IDE: variants seen among roughly 807,000 people sequenced by gnomAD.
IDE encodes the protein insulin-degrading enzyme.
A neutral mutation model predicts 133.2 loss-of-function variants in IDE; 58 were observed. The ratio of observed to expected loss-of-function variants is 0.44; its 90% CI spans 0.35 to 0.54. The LOEUF (loss-of-function observed/expected upper bound fraction) is 0.54, where lower values mean the gene tolerates loss of function less well. Ranked by LOEUF, IDE falls within the 20% of genes least tolerant of loss-of-function variation. IDE has a pLI of 0.00. For missense variants in IDE, 981 were observed against 1,234.0 expected (o/e 0.79, Z 3.07); for synonymous variants, 396 against 421.3 (o/e 0.94, Z 0.73).
At chr10:92,473,963 C>A (rs578205397) in intron 17 of IDE, among the ~76,000 whole-genome samples, 32 of 151,612 alleles carry the variant, frequency 2.1e-4, no homozygotes, top group Non-Finnish European at 3.8e-4. Flanking sequence ...GCCTGGGCAA[C>A]AGAGCAGACT....
rs149470827 is a variant in IDE, at chr10:92,570,269, A to G, written c.98+3653T>C. 1.2e-3 allele frequency among the ~76,000 whole-genome samples: 182 copies of G among 152,340 alleles called. 2 individuals carry two copies. The highest frequency in any genetic ancestry group is 8.7e-3 in the South Asian group (42 of 4,830). ...TTAATTGAAAGAAACAACAAAACATAAAAGTGGAGGTGTCTAGTAAAAGGT... is the reference window on the plus strand; with the variant it reads ...TTAATTGAAAGAAACAACAAAACATGAAAGTGGAGGTGTCTAGTAAAAGGT... On this transcript the variant is annotated intron_variant, in intron 1 of 24. Coordinates refer to ENST00000265986, the MANE Select transcript of IDE (RefSeq NM_004969.4).
chr10:92,571,119 C>A (rs1289889167), intron 1 of IDE, among the ~76,000 whole-genome samples: 2 of 151,788 alleles, frequency 1.3e-5, no homozygotes, highest in African/African-American at 4.8e-5. Context: ...TCAAGCGATT[C>A]TCCTGCCTCA....
chr10:92,486,478 G>C (rs1480341141), intron 13 of IDE, among the ~76,000 whole-genome samples: 1 of 152,054 alleles, frequency 6.6e-6, no homozygotes, highest in Non-Finnish European at 1.5e-5. Flanking sequence ...CCAAATGTTA[G>C]GTCATCTGAA....
At chr10:92,463,006 G>A (rs1471695436) in intron 21 of IDE, among the ~76,000 whole-genome samples, 2 of 152,180 alleles carry the variant, frequency 1.3e-5, no homozygotes, top group Non-Finnish European at 2.9e-5. Flanking sequence ...AGGCTACAGT[G>A]AGCTATGATG....
intron 1 of IDE, among the ~76,000 whole-genome samples, chr10:92,561,467 G>C (rs1019195783): frequency 6.7e-6 from 1 of 150,160 alleles, no homozygotes; most frequent in Non-Finnish European, 1.5e-5. Flanking sequence ...ATAAGATGAT[G>C]TAAGCTGGGC....
chr10:92,550,476 T>C (rs1842728023), intron 1 of IDE, among the ~76,000 whole-genome samples: 1 of 151,832 alleles, frequency 6.6e-6, no homozygotes, highest in South Asian at 2.1e-4. Flanking sequence ...GGATAATTAT[T>C]TTAAAAACAC....
intron 11 of IDE, among the ~76,000 whole-genome samples, chr10:92,504,519 T>C (rs1267677136): frequency 6.6e-6 from 1 of 152,202 alleles, no homozygotes; most frequent in Non-Finnish European, 1.5e-5. Flanking sequence ...AATAAAATTA[T>C]ATTTGTTTTT....
At chr10:92,520,455 T>C (rs1333720910) in intron 4 of IDE, among the ~76,000 whole-genome samples, 2 of 152,306 alleles carry the variant, frequency 1.3e-5, no homozygotes, top group South Asian at 4.1e-4. Context: ...ACCACAGGTT[T>C]CTCCAATAGT....
rs753269335 is a variant in IDE at position 92,451,835 on chromosome 10, C to T, written c.*2609G>A. 5.3e-5 allele frequency: 8 copies of T among 152,234 alleles called. No homozygotes were observed. Among genetic ancestry groups the T allele is most frequent in the Non-Finnish European group, 7.3e-5 (5 of 68,046 alleles). The allele number at this position is 152,234 out of a possible 1,614,324, so 9.4% of individuals were successfully genotyped here. ...AGAAGACAGAGATTGAACAAGATATCTGCCTAAACTGCAGCTGGAGATGTG... is the reference window on the plus strand; with the variant it reads ...AGAAGACAGAGATTGAACAAGATATTTGCCTAAACTGCAGCTGGAGATGTG... On this transcript the variant is annotated 3_prime_UTR_variant, in exon 25 of 25. Coordinates refer to ENST00000265986, the MANE Select transcript of IDE (RefSeq NM_004969.4).
At chr10:92,572,679 A>G (rs1027184538) in intron 1 of IDE, among the ~76,000 whole-genome samples, 5 of 152,248 alleles carry the variant, frequency 3.3e-5, no homozygotes, top group African/African-American at 1.2e-4. Flanking sequence ...CCCTACTGTT[A>G]TAATACAGGA....
At chr10:92,467,137 C>T (rs1198586429) in intron 19 of IDE, among the ~76,000 whole-genome samples, 4 of 152,084 alleles carry the variant, frequency 2.6e-5, no homozygotes, top group Non-Finnish European at 4.4e-5. Flanking sequence ...TGCAGTGGCA[C>T]AATCATGGCT....
chr10:92,535,724 C>A (rs1211269931), intron 2 of IDE, among the ~76,000 whole-genome samples: 4 of 152,144 alleles, frequency 2.6e-5, no homozygotes, highest in Non-Finnish European at 5.9e-5. Context: ...CACTGTCCCA[C>A]TAACTGTACA....
At chr10:92,506,409 G>C (rs755379563) in intron 10 of IDE, 33 bp downstream of exon 10, 1 of 1,008,906 alleles carries the variant, frequency 9.9e-7, no homozygotes, top group Non-Finnish European at 1.5e-6. Context: ...ACTCCACACA[G>C]CAATGTATAC....
At chr10:92,508,451 T>G (rs1461807329) in intron 7 of IDE, among the ~76,000 whole-genome samples, 6 of 146,338 alleles carry the variant, frequency 4.1e-5, no homozygotes, top group African/African-American at 1.5e-4. Flanking sequence ...CGGTGGCTCA[T>G]GCCTCTAATC....
intron 1 of IDE, chr10:92,573,262 G>T: frequency 1.2e-6 from 1 of 821,166 alleles, no homozygotes; most frequent in Non-Finnish European, 1.5e-6. Context: ...CAGTTGCTGG[G>T]AAATCAAGCC....
chr10:92,548,359 CAAAAAAAAAAAA>C (rs56347361), intron 1 of IDE, among the ~76,000 whole-genome samples: 93 of 39,722 alleles, frequency 2.3e-3, no homozygotes, highest in African/African-American at 8.9e-3. Context: ...AACTCCATCT[CAAAAAAAAAAAA>C]AAAAAAAAAA....
rs187668143 is a variant in IDE, at chr10:92,539,112, A to G, written c.99-1562T>C. ...TTCCTCTCTGAAATCACCTATAACT[A>G]TTCTTCCAATCTGCATAACAATTGA... On this transcript the variant is annotated intron_variant, in intron 1 of 24. Coordinates refer to ENST00000265986, the MANE Select transcript of IDE (RefSeq NM_004969.4). Among the ~76,000 whole-genome samples the G allele has an allele frequency of 3.5e-4, 54 of 152,168 alleles. No individual in the cohort carries two copies. The East Asian group carries it at 9.8e-3, about 28-fold the overall frequency.
At chr10:92,523,917 T>C (rs911392794) in intron 4 of IDE, among the ~76,000 whole-genome samples, 20 of 152,018 alleles carry the variant, frequency 1.3e-4, no homozygotes, top group African/African-American at 4.8e-4. Flanking sequence ...GAGAAACAGA[T>C]CAGTAAGGAA....
intron 11 of IDE, among the ~76,000 whole-genome samples, chr10:92,499,149 C>G (rs563149220): frequency 6.6e-6 from 1 of 151,516 alleles, no homozygotes; most frequent in Non-Finnish European, 1.5e-5. Context: ...CACTTAAGAG[C>G]GGTTTTTAAT....
Sources: allele counts gnomAD v4.1 joint callset (sites outside exome capture counted in the v4.1 genomes callset), GRCh38; gene constraint gnomAD v4.1.1; transcripts MANE v1.5; gene names NCBI Gene and HGNC (gene_info 2026-07-23, HGNC 2026-07-21).